ASPRV1: variants seen among roughly 807,000 people sequenced by gnomAD.
ASPRV1 encodes retroviral-like aspartic protease 1.
ASPRV1 carries 7 observed loss-of-function variants against 11.0 expected under a neutral mutation model. The observed-to-expected ratio is 0.64, with a 90% CI of 0.36 to 1.20. The LOEUF is 1.20. Ranked by LOEUF, ASPRV1 falls within the 50% of genes most tolerant of loss-of-function variation. The pLI, the probability that ASPRV1 is intolerant of heterozygous loss-of-function variation, is 0.02. For synonymous variants in ASPRV1, 136 were observed against 138.4 expected (o/e 0.98, Z 0.12); for missense variants, 299 against 320.0 (o/e 0.93, Z 0.50).
the ASPRV1 span, chr2:69,940,377 T>C: frequency 6.6e-6 from 1 of 152,444 alleles, no homozygotes; most frequent in Non-Finnish European, 1.5e-5. Context: ...GCATTTTGTT[T>C]CATTGCTACA....
chr2:69,949,005 T>C, the ASPRV1 span, among the ~76,000 whole-genome samples: 1 of 152,028 alleles, frequency 6.6e-6, no homozygotes, highest in Non-Finnish European at 1.5e-5. Context: ...AGTGCAAACG[T>C]CCCCGTGTCC....
the ASPRV1 span, among the ~76,000 whole-genome samples, chr2:70,071,955 C>CTT: frequency 2.9e-5 from 4 of 138,288 alleles, no homozygotes; most frequent in Non-Finnish European, 4.6e-5. Context: ...ATTTTTCTTT[C>CTT]TTTTTTTTTT....
chr2:70,074,835 G>A, the ASPRV1 span, among the ~76,000 whole-genome samples: 44 of 151,474 alleles, frequency 2.9e-4, no homozygotes, highest in Middle Eastern at 0.014. Context: ...ATGAACTCGG[G>A]GCCAGGCGCA....
the ASPRV1 span, among the ~76,000 whole-genome samples, chr2:70,034,056 A>C: frequency 6.8e-6 from 1 of 146,176 alleles, no homozygotes; most frequent in Non-Finnish European, 1.5e-5. Flanking sequence ...CGGGAGGCTG[A>C]GGCAGGAGAA....
At chr2:70,004,086 G>A in the ASPRV1 span, among the ~76,000 whole-genome samples, 70 of 152,164 alleles carry the variant, frequency 4.6e-4, no homozygotes, top group African/African-American at 1.6e-3. Flanking sequence ...GCTTACGGGA[G>A]AGCCATCTGC....
the ASPRV1 span, among the ~76,000 whole-genome samples, chr2:70,040,815 C>CA: frequency 6.6e-6 from 1 of 152,122 alleles, no homozygotes; most frequent in Non-Finnish European, 1.5e-5. Flanking sequence ...GCCTGGGTGA[C>CA]AGAGTGAGAC....
the ASPRV1 span, among the ~76,000 whole-genome samples, chr2:70,025,490 G>A: frequency 6.6e-6 from 1 of 152,200 alleles, no homozygotes; most frequent in Admixed American, 6.5e-5. Context: ...ACCCAACATT[G>A]CTGTGGTCAA....
the ASPRV1 span, among the ~76,000 whole-genome samples, chr2:70,001,550 G>A: frequency 6.6e-6 from 1 of 152,150 alleles, no homozygotes; most frequent in African/African-American, 2.4e-5. Flanking sequence ...CTGAGGTCAG[G>A]AGTTCAAGAC....
At chr2:70,006,633 T>C in the ASPRV1 span, among the ~76,000 whole-genome samples, 1 of 152,072 alleles carries the variant, frequency 6.6e-6, no homozygotes, top group African/African-American at 2.4e-5. Context: ...GCTGAAGCCC[T>C]GGCCAAAGCA....
upstream of ASPRV1, among the ~76,000 whole-genome samples, chr2:69,966,306 C>A (rs1304368958): frequency 3.3e-5 from 5 of 152,250 alleles, no homozygotes; most frequent in Non-Finnish European, 5.9e-5. Flanking sequence ...TCCTCAGGGC[C>A]CAGCCCTCCG....
At chr2:70,049,400 G>A in the ASPRV1 span, 1 of 151,924 alleles carries the variant, frequency 6.6e-6, no homozygotes, top group Non-Finnish European at 1.5e-5. Flanking sequence ...CTGCCAAAAG[G>A]ATATGTGGGT....
chr2:69,950,828 GTGGGAC>G, the ASPRV1 span, among the ~76,000 whole-genome samples: 1 of 149,532 alleles, frequency 6.7e-6, no homozygotes, highest in Non-Finnish European at 1.5e-5. Context: ...GGGCAACAGA[GTGGGAC>G]TCTGTCTCAA....
chr2:69,970,345 C>A, the ASPRV1 span, among the ~76,000 whole-genome samples: 1 of 152,196 alleles, frequency 6.6e-6, no homozygotes. Context: ...CCATTCTGCT[C>A]AAAATTCCTC....
chr2:69,991,072 T>C, the ASPRV1 span, among the ~76,000 whole-genome samples: 7 of 152,198 alleles, frequency 4.6e-5, no homozygotes, highest in East Asian at 1.9e-4. Context: ...TTTTCAGCTA[T>C]ATAAATTCAC....
the ASPRV1 span, chr2:69,938,086 C>T: frequency 6.2e-7 from 1 of 1,612,620 alleles, no homozygotes; most frequent in Non-Finnish European, 8.5e-7. Context: ...TCTCTCTTGT[C>T]CTCCCTGCAG....
chr2:69,944,984 A>G, the ASPRV1 span, among the ~76,000 whole-genome samples: 66,279 of 151,888 alleles, frequency 0.44, 14,683 homozygotes, highest in East Asian at 0.63. Context: ...CCCATTACCC[A>G]GTGCAGCTTT....
At chr2:70,007,819 T>C in the ASPRV1 span, among the ~76,000 whole-genome samples, 73 of 152,222 alleles carry the variant, frequency 4.8e-4, no homozygotes, top group African/African-American at 1.7e-3. Flanking sequence ...TTGAGTCTCC[T>C]ACTATGAGTA....
the ASPRV1 span, chr2:69,938,052 G>T: frequency 6.3e-7 from 1 of 1,585,964 alleles, no homozygotes; most frequent in Non-Finnish European, 8.6e-7. Context: ...TGAGCTTTCT[G>T]CAGAGCGCTT....
the ASPRV1 span, among the ~76,000 whole-genome samples, chr2:69,953,146 G>A: frequency 2.0e-5 from 3 of 152,240 alleles, no homozygotes; most frequent in East Asian, 1.9e-4. Flanking sequence ...CCACTGTTGC[G>A]TGTAAGACCC....
Sources: gnomAD v4.1 joint callset for allele counts (sites outside exome capture counted in the v4.1 genomes callset) on GRCh38, gnomAD v4.1.1 for gene constraint, MANE v1.5 for transcripts, NCBI Gene and HGNC (gene_info 2026-07-23, HGNC 2026-07-21) for gene names.